CNIH3: variants seen among roughly 807,000 people sequenced by gnomAD.
CNIH3 encodes the protein cornichon family AMPA receptor auxiliary protein 3.
CNIH3 carries 14 observed loss-of-function variants against 24.1 expected under a neutral mutation model. The observed-to-expected ratio is 0.58, with a 90% confidence interval of 0.38 to 0.91. The LOEUF (loss-of-function observed/expected upper bound fraction) is 0.91. Among genes scored for constraint, CNIH3 ranks in the 40% least tolerant of loss-of-function variants. CNIH3 has a pLI of 0.00. For synonymous variants in CNIH3, 68 were observed against 73.8 expected, an observed-to-expected ratio of 0.92 and a Z score of 0.40; for missense variants, 178 against 196.8, an observed-to-expected ratio of 0.90 and a Z score of 0.57.
chr1:224,592,135 ATG>A (rs773509848), downstream of CNIH3, among the ~76,000 whole-genome samples: 23 of 151,076 alleles, frequency 1.5e-4, no homozygotes, highest in Non-Finnish European at 3.1e-4. Flanking sequence ...GTGTGTGTAT[ATG>A]TGTGTGTGTA....
At chr1:224,438,788 G>A (rs1042771301) in intron 1 of CNIH3, among the ~76,000 whole-genome samples, 1 of 152,132 alleles carries the variant, frequency 6.6e-6, no homozygotes, top group Non-Finnish European at 1.5e-5. Flanking sequence ...CAGCCCCTCA[G>A]GCATGTCATG....
intron 4 of CNIH3, among the ~76,000 whole-genome samples, chr1:224,732,003 G>GA (rs1379909466): frequency 6.6e-6 from 1 of 152,240 alleles, no homozygotes; most frequent in Non-Finnish European, 1.5e-5. Context: ...TCTAGGTAAT[G>GA]AAAAATGATC....
At chr1:224,534,435 T>A (rs1210011577) in intron 2 of CNIH3, among the ~76,000 whole-genome samples, 1 of 152,130 alleles carries the variant, frequency 6.6e-6, no homozygotes, top group African/African-American at 2.4e-5. Context: ...GATTATGGTT[T>A]GTAATTTGGG....
intron 1 of CNIH3, among the ~76,000 whole-genome samples, chr1:224,664,001 C>T (rs1685481378): frequency 1.3e-5 from 2 of 152,142 alleles, no homozygotes; most frequent in Admixed American, 6.5e-5. Flanking sequence ...CACAGAAAGC[C>T]AATTACCGAG....
intron 1 of CNIH3, among the ~76,000 whole-genome samples, chr1:224,678,665 T>C (rs1008404733): frequency 3.3e-5 from 5 of 152,056 alleles, no homozygotes; most frequent in African/African-American, 1.2e-4. Context: ...GTGCCTCTAA[T>C]GCAGTGCTGT....
intron 3 of CNIH3, among the ~76,000 whole-genome samples, chr1:224,601,055 G>A (rs1017713424): frequency 6.6e-6 from 1 of 152,214 alleles, no homozygotes; most frequent in African/African-American, 2.4e-5. Context: ...AAGTTTTAGA[G>A]CAGGAGTGAA....
chr1:224,622,074 G>A (rs533488569), intron 1 of CNIH3, among the ~76,000 whole-genome samples: 1 of 152,326 alleles, frequency 6.6e-6, no homozygotes, highest in South Asian at 2.1e-4. Flanking sequence ...TCACAGCCAT[G>A]CTGAACTGTG....
At chr1:224,630,825 G>A (rs879284223) in intron 1 of CNIH3, among the ~76,000 whole-genome samples, 7 of 152,138 alleles carry the variant, frequency 4.6e-5, no homozygotes, top group South Asian at 4.1e-4. Context: ...AGTGAGGTGG[G>A]TGGTTTCTGC....
intron 1 of CNIH3, among the ~76,000 whole-genome samples, chr1:224,481,944 A>G (rs1369948622): frequency 6.6e-6 from 1 of 152,216 alleles, no homozygotes; most frequent in East Asian, 1.9e-4. Flanking sequence ...AGCTGGCACC[A>G]AATCCACTGG....
chr1:224,470,750 G>A (rs571579294), intron 1 of CNIH3, among the ~76,000 whole-genome samples: 8 of 152,312 alleles, frequency 5.3e-5, no homozygotes, highest in African/African-American at 1.7e-4. Flanking sequence ...AAGCCACCAT[G>A]CCTGGCCATC....
intron 3 of CNIH3, among the ~76,000 whole-genome samples, chr1:224,711,207 T>A (rs1688124239): frequency 6.6e-6 from 1 of 152,244 alleles, no homozygotes; most frequent in Non-Finnish European, 1.5e-5. Flanking sequence ...TTGTGAGCCA[T>A]CTACTATCCT....
chr1:224,579,119 A>T (rs1681163532), intron 4 of CNIH3, among the ~76,000 whole-genome samples: 2 of 127,306 alleles, frequency 1.6e-5, no homozygotes, highest in African/African-American at 6.1e-5. Flanking sequence ...TCTATTTCTG[A>T]GTGATTTCTT....
intron 4 of CNIH3, among the ~76,000 whole-genome samples, chr1:224,568,012 C>A (rs755388442): frequency 2.6e-5 from 4 of 152,128 alleles, no homozygotes; most frequent in Non-Finnish European, 4.4e-5. Context: ...TATAATGAGG[C>A]CAGGCACGGT....
chr1:224,633,332 T>C (rs1483464189), intron 1 of CNIH3, among the ~76,000 whole-genome samples: 1 of 152,054 alleles, frequency 6.6e-6, no homozygotes, highest in African/African-American at 2.4e-5. Context: ...CAAAGTTTTG[T>C]ATTTTTTGTA....
intron 1 of CNIH3, among the ~76,000 whole-genome samples, chr1:224,628,199 C>G (rs1683637557): frequency 6.6e-6 from 1 of 152,140 alleles, no homozygotes; most frequent in Non-Finnish European, 1.5e-5. Context: ...TACCTGAGAG[C>G]AAAAGGGATC....
In CNIH3 at chr1:224,684,912, G is replaced by C; in HGVS notation, c.198+69G>C. 19 of 1,405,220 alleles carry C rather than the reference G, an allele frequency of 1.4e-5. No individual in the cohort carries two copies. The highest frequency in any genetic ancestry group is 2.3e-5 in the East Asian group (1 of 43,910). The allele number at this position is 1,405,220 out of a possible 1,614,324, so 87.0% of individuals were successfully genotyped here. On this transcript the variant is annotated intron_variant, in intron 3 of 5. Coordinates refer to ENST00000272133, the MANE Select transcript of CNIH3 (RefSeq NM_152495.2). This position sits in a 1 kb window ranked among gnomAD's most constrained non-coding sequence, Gnocchi z 4.2. ...GGTGGGTGGGCACACAGTGAAAGAG[G>C]CTAGTGAGGCTCTGCCTGCTCCAGT...
intron 1 of CNIH3, among the ~76,000 whole-genome samples, chr1:224,635,681 T>C (rs1684055003): frequency 6.6e-6 from 1 of 152,230 alleles, no homozygotes; most frequent in African/African-American, 2.4e-5. Context: ...CTTAGCTTAG[T>C]CCATATATTT....
intron 1 of CNIH3, among the ~76,000 whole-genome samples, chr1:224,503,265 C>T (rs1284071057): frequency 6.6e-6 from 1 of 152,296 alleles, no homozygotes; most frequent in East Asian, 1.9e-4. Context: ...GGCACGGGTG[C>T]TGCACTTGCT....
chr1:224,525,517 G>A (rs936445531), intron 2 of CNIH3, among the ~76,000 whole-genome samples: 7 of 152,208 alleles, frequency 4.6e-5, no homozygotes, highest in Non-Finnish European at 7.3e-5. Flanking sequence ...TTCCAGCTGA[G>A]CCAGCTCACT....
Sources: gnomAD v4.1 joint callset for allele counts (sites outside exome capture counted in the v4.1 genomes callset) on GRCh38, gnomAD v4.1.1 for gene constraint, Gnocchi (gnomAD v3.1) non-coding constraint, MANE v1.5 for transcripts, NCBI Gene and HGNC (gene_info 2026-07-23, HGNC 2026-07-21) for gene names.